SDK1: variants seen among roughly 807,000 people sequenced by gnomAD.
The protein encoded by SDK1 is sidekick cell adhesion molecule 1, also known as protein sidekick-1.
SDK1 carries 157 observed loss-of-function variants against 245.5 expected under a neutral mutation model. The ratio of observed to expected loss-of-function variants is 0.64; its 90% CI spans 0.56 to 0.73. SDK1 has a LOEUF of 0.73. Among genes scored for constraint, SDK1 ranks in the 30% least tolerant of loss-of-function variants. The pLI, the probability that SDK1 is intolerant of heterozygous loss-of-function variation, is 0.00. For synonymous variants in SDK1, 1,647 were observed against 1,278.5 expected (o/e 1.29, Z -6.15); for missense variants, 3,583 against 3,002.3 (o/e 1.19, Z -4.52).
chr7:3,941,907 CTTTTT>C (rs72338979), intron 5 of SDK1, among the ~76,000 whole-genome samples: 1 of 128,218 alleles, frequency 7.8e-6, no homozygotes, highest in Non-Finnish European at 1.6e-5. Flanking sequence ...AGACTTCATT[CTTTTT>C]TTTTTTTTTT....
intron 1 of SDK1, among the ~76,000 whole-genome samples, chr7:3,335,343 A>G (rs1176345276): frequency 1.3e-5 from 2 of 151,920 alleles, no homozygotes; most frequent in African/African-American, 2.4e-5. Context: ...GTTACTTCCA[A>G]GCTGTCTCCT....
intron 14 of SDK1, among the ~76,000 whole-genome samples, chr7:3,998,153 G>C (rs1328756539): frequency 6.6e-6 from 1 of 152,230 alleles, no homozygotes; most frequent in Non-Finnish European, 1.5e-5. Flanking sequence ...GGGAGGCCCA[G>C]GTCTGCAGCC....
At chr7:3,825,646 C>G (rs1322606062) in intron 5 of SDK1, among the ~76,000 whole-genome samples, 1 of 152,216 alleles carries the variant, frequency 6.6e-6, no homozygotes, top group Non-Finnish European at 1.5e-5. Context: ...ACTTAACATT[C>G]TTTTGTCCTC....
chr7:4,251,124 C>G (rs192053821), intron 44 of SDK1, among the ~76,000 whole-genome samples: 1 of 152,168 alleles, frequency 6.6e-6, no homozygotes. Context: ...ATCAGTACTT[C>G]ATTTCTATAT....
chr7:3,812,085 C>G (rs1445695804), intron 4 of SDK1, among the ~76,000 whole-genome samples: 3 of 152,168 alleles, frequency 2.0e-5, no homozygotes, highest in African/African-American at 7.2e-5. Flanking sequence ...CCCTTGTGTT[C>G]AACAACCATA....
intron 1 of SDK1, among the ~76,000 whole-genome samples, chr7:3,609,165 C>G (rs1781512656): frequency 6.6e-6 from 1 of 151,988 alleles, no homozygotes; most frequent in African/African-American, 2.4e-5. Flanking sequence ...TTTTAAAGTT[C>G]ACAGGTTTAC....
At chr7:4,206,127 G>A in intron 36 of SDK1, 133 bp downstream of exon 36, 2 of 634,852 alleles carry the variant, frequency 3.2e-6, no homozygotes, top group South Asian at 4.0e-5. Context: ...AAGCGTCGGA[G>A]CTTGGCTAGA....
intron 4 of SDK1, among the ~76,000 whole-genome samples, chr7:3,801,479 A>T (rs1385341049): frequency 6.6e-6 from 1 of 152,182 alleles, no homozygotes; most frequent in Admixed American, 6.5e-5. Flanking sequence ...GGCTACATTT[A>T]TATAATTTAC....
chr7:3,412,280 A>G lies in SDK1; in HGVS notation c.298+110396A>G, dbSNP rs542151745. ...CTATTCCCCAGAGTCACTGTGCATA[A>G]TTACATATATAATACAAACATGTAT... On this transcript the variant is annotated intron_variant, in intron 1 of 44. Coordinates refer to ENST00000404826, the MANE Select transcript of SDK1 (RefSeq NM_152744.4). Among the ~76,000 whole-genome samples the G allele has an allele frequency of 5.3e-5, 8 of 152,282 alleles. 1 individual carries two copies. The East Asian group carries it at 1.4e-3, about 26-fold the overall frequency.
At chr7:3,854,152 T>C (rs79174776) in intron 5 of SDK1, among the ~76,000 whole-genome samples, 2,117 of 152,240 alleles carry the variant, frequency 0.014, 53 homozygotes, top group African/African-American at 0.049. Context: ...TTATAGATCT[T>C]ACTTTCTTAG....
intron 2 of SDK1, among the ~76,000 whole-genome samples, chr7:3,622,821 A>G (rs1162793152): frequency 1.3e-5 from 2 of 152,102 alleles, no homozygotes; most frequent in Non-Finnish European, 2.9e-5. Context: ...TGTTTGGGGT[A>G]TTTGTGATAA....
chr7:3,573,112 T>A (rs1482042887), intron 1 of SDK1, among the ~76,000 whole-genome samples: 1 of 152,054 alleles, frequency 6.6e-6, no homozygotes, highest in Non-Finnish European at 1.5e-5. Context: ...ATGTCTGGGC[T>A]TTATCCCAGA....
chr7:3,307,643 A>G (rs1484527237), intron 1 of SDK1, among the ~76,000 whole-genome samples: 7 of 152,190 alleles, frequency 4.6e-5, no homozygotes, highest in Admixed American at 1.3e-4. Flanking sequence ...CCTGATACCA[A>G]TCTCCTGTGG....
chr7:3,831,934 C>T (rs1281659147), intron 5 of SDK1, among the ~76,000 whole-genome samples: 1 of 151,822 alleles, frequency 6.6e-6, no homozygotes, highest in Admixed American at 6.6e-5. Context: ...ACCTGTGGCC[C>T]CAGCTGCTCA....
intron 4 of SDK1, among the ~76,000 whole-genome samples, chr7:3,792,376 C>T (rs1044252871): frequency 6.6e-6 from 1 of 152,144 alleles, no homozygotes; most frequent in African/African-American, 2.4e-5. Flanking sequence ...TTCTAGTGAA[C>T]ATTAGATAAT....
intron 4 of SDK1, among the ~76,000 whole-genome samples, chr7:3,695,523 G>A (rs977746246): frequency 6.6e-6 from 1 of 152,056 alleles, no homozygotes; most frequent in Non-Finnish European, 1.5e-5. Context: ...TTATATCATA[G>A]GTGTTTTCAT....
chr7:3,436,411 A>G, intron 1 of SDK1, among the ~76,000 whole-genome samples: 1 of 152,110 alleles, frequency 6.6e-6, no homozygotes, highest in East Asian at 1.9e-4. Context: ...TAGATTTTAT[A>G]TTTCCCTGAA....
chr7:3,744,367 C>G (rs10261334), intron 4 of SDK1, among the ~76,000 whole-genome samples: 8,823 of 152,052 alleles, frequency 0.058, 870 homozygotes, highest in African/African-American at 0.2. Flanking sequence ...AATGTCTATT[C>G]TATTATAATA....
At chr7:3,736,474 G>A (rs554402448) in intron 4 of SDK1, among the ~76,000 whole-genome samples, 139 of 152,108 alleles carry the variant, frequency 9.1e-4, no homozygotes, top group African/African-American at 2.7e-3. Context: ...GGGTTTCACC[G>A]TGTTAGCCAG....
Sources: gnomAD v4.1 joint callset for allele counts (sites outside exome capture counted in the v4.1 genomes callset) on GRCh38, gnomAD v4.1.1 for gene constraint, MANE v1.5 for transcripts, NCBI Gene and HGNC (gene_info 2026-07-23, HGNC 2026-07-21) for gene names.